Variants in DCN observed in about 807,000 individuals in gnomAD.
DCN encodes the protein decorin, also known as bone proteoglycan II.
In DCN, 17 loss-of-function variants were observed where a neutral mutation model predicts 36.5. The observed-to-expected ratio is 0.47, with a 90% CI of 0.32 to 0.70. The LOEUF (loss-of-function observed/expected upper bound fraction) is 0.70. Ranked by LOEUF, DCN falls within the 30% of genes least tolerant of loss-of-function variation. DCN has a pLI of 0.04. For missense variants in DCN, 389 were observed against 430.1 expected, an observed-to-expected ratio of 0.90 and a Z score of 0.84; for synonymous variants, 163 against 161.4, an observed-to-expected ratio of 1.01 and a Z score of -0.07.
chr12:91,151,550 A>G (rs756805193), intron 7 of DCN, 104 bp downstream of exon 7: 60 of 1,368,570 alleles, frequency 4.4e-5, no homozygotes, highest in Non-Finnish European at 5.5e-5. Context: ...GACACTCTGG[A>G]AAAAAAACTT....
chr12:91,146,194 G>C lies in DCN; in HGVS notation c.944C>G (p.Pro315Arg). 1 of 1,613,520 alleles carries C rather than the reference G, an allele frequency of 6.2e-7. No individual in the cohort carries two copies. The highest frequency in any genetic ancestry group is 8.5e-7 in the Non-Finnish European group (1 of 1,179,614). The change falls in exon 8 of 8, where the codon CCT becomes CGT. Residue 315 changes from proline (P) to arginine (R), a missense_variant. Physicochemically the swap from Pro to Arg is moderately radical, Grantham distance 103. Transcript: ENST00000052754. ...SVVGSSDFCP[P>R]GHNTKKASYS... ...AGAAGCCTTTTTGGTGTTGTGTCCA[G>C]GTGGGCAGAAGTCACTTGATCCAAC... is the stretch of plus-strand genomic sequence containing the variant.
rs1868455159 is a variant in DCN at position 91,182,707 on chromosome 12, A to G, written c.-86T>C. 1 of 152,216 alleles carries G rather than the reference A, an allele frequency of 6.6e-6. No individual in the cohort carries two copies. Among genetic ancestry groups the G allele is most frequent in the African/African-American group, 2.4e-5 (1 of 41,564 alleles). The allele number at this position is 152,216 out of a possible 1,614,324, so 9.4% of individuals were successfully genotyped here. A position where few individuals can be genotyped will look rare whatever the true frequency, so the allele number is the denominator to read the frequency against. On this transcript the variant is annotated 5_prime_UTR_variant, in exon 1 of 8. Coordinates refer to ENST00000052754, the MANE Select transcript of DCN (RefSeq NM_001920.5). ...GCCCTCAAAGCTGAGATGTAATTAC[A>G]CTAAATATTCAGCCCAAGTAAAAGA...
chr12:91,158,440 C>T lies in DCN; in HGVS notation c.394G>A (p.Glu132Lys), dbSNP rs754450177. ...PGAFTPLVKL[E>K]RLYLSKNQLK... ...TGATTCTTGGACAGATAAAGTCGTT[C>T]CAACTTCACCAAAGGTGTAAATGCT... The change falls in exon 4 of 8, where the codon GAA becomes AAA. Residue 132 changes from glutamate (E) to lysine (K), a missense_variant. Physicochemically the swap from Glu to Lys is moderately conservative, Grantham distance 56. Coordinates refer to ENST00000052754, the MANE Select transcript of DCN (RefSeq NM_001920.5). 6.2e-7 allele frequency: 1 copy of T among 1,610,716 alleles called. No individual in the cohort carries two copies. Among genetic ancestry groups the T allele is most frequent in the East Asian group, 2.2e-5 (1 of 44,856 alleles).
At chr12:91,147,017 A>G (rs1388174886) in intron 7 of DCN, among the ~76,000 whole-genome samples, 1 of 152,100 alleles carries the variant, frequency 6.6e-6, no homozygotes, top group Non-Finnish European at 1.5e-5. Flanking sequence ...TCTTTTTTTA[A>G]GCTCTCAGAG....
intron 2 of DCN, chr12:91,177,728 C>A: frequency 1.4e-6 from 1 of 694,442 alleles, no homozygotes; most frequent in South Asian, 1.5e-5. Flanking sequence ...ATAAATATTT[C>A]CTTTGAAACT....
intron 7 of DCN, among the ~76,000 whole-genome samples, chr12:91,149,036 C>G (rs566277945): frequency 6.6e-6 from 1 of 152,060 alleles, no homozygotes; most frequent in Non-Finnish European, 1.5e-5. Flanking sequence ...AACAAAATAT[C>G]AAGACGTAAG....
Position 91,151,705 on chromosome 12 carries a change from G to A in DCN, c.834C>T (p.Asn278=), listed in dbSNP as rs954482104. 18 of 1,613,950 alleles carry A rather than the reference G, an allele frequency of 1.1e-5. No individual in the cohort carries two copies. Among genetic ancestry groups the A allele is most frequent in the Non-Finnish European group, 1.5e-5 (18 of 1,179,984 alleles). Reference sequence around the variant, plus strand: ...CACCAGGTACTCTGGTAAGCTTGTTGTTGTCCAAGTGAAGCTCCCTCAGAT... The same window carrying A: ...CACCAGGTACTCTGGTAAGCTTGTTATTGTCCAAGTGAAGCTCCCTCAGAT... ...TPHLRELHLD[N]NKLTRVPGGL... The change falls in exon 7 of 8, where the codon AAC becomes AAT. Residue 278 remains asparagine, a synonymous_variant. Transcript: ENST00000052754.
chr12:91,156,315 T>C (rs1272855201), intron 5 of DCN, among the ~76,000 whole-genome samples: 1 of 152,196 alleles, frequency 6.6e-6, no homozygotes, highest in African/African-American at 2.4e-5. Context: ...GTACATCGCC[T>C]ACACATACTG....
Position 91,142,452 on chromosome 12 carries a change from A to C in DCN, c.*3606T>G, listed in dbSNP as rs556532033. Reference sequence around the variant, plus strand: ...GCCTCTGCAATAAAATTGTGGAATAAACCAGTTTCTTGGAAAAGCATTATG... The same window carrying C: ...GCCTCTGCAATAAAATTGTGGAATACACCAGTTTCTTGGAAAAGCATTATG... On this transcript the variant is annotated 3_prime_UTR_variant, in exon 8 of 8. Coordinates refer to ENST00000052754, the MANE Select transcript of DCN (RefSeq NM_001920.5). 14 of 152,356 alleles carry C rather than the reference A, an allele frequency of 9.2e-5. No homozygotes were observed. The highest frequency in any genetic ancestry group is 3.4e-4 in the African/African-American group (14 of 41,588). The allele number at this position is 152,356 out of a possible 1,614,324, so 9.4% of individuals were successfully genotyped here. A position where few individuals can be genotyped will look rare whatever the true frequency, so the allele number is the denominator to read the frequency against.
rs1000754731 is a variant in DCN, at chr12:91,182,326, G to A, written c.-34+329C>T. ...GATATGCTACTTCAGAATACTTTTC[G>A]GTTACCATCTCTTGAAGAGCTAAAC... On this transcript the variant is annotated intron_variant, in intron 1 of 7. Coordinates refer to ENST00000052754, the MANE Select transcript of DCN (RefSeq NM_001920.5). Among the ~76,000 whole-genome samples, 7 of 151,768 alleles carry A rather than the reference G, an allele frequency of 4.6e-5. No homozygotes were observed. The South Asian group carries it at 8.3e-4, about 18-fold the overall frequency.
At chr12:91,176,744 A>C (rs1207464805) in intron 2 of DCN, 1 of 152,214 alleles carries the variant, frequency 6.6e-6, no homozygotes, top group Non-Finnish European at 1.5e-5. Flanking sequence ...GAGAGTAATA[A>C]TAAATTCTTT....
rs892377564 is a variant in DCN at position 91,143,876 on chromosome 12, A to ATG, written c.*2180_*2181dup. 2.7e-5 allele frequency: 4 copies of ATG among 149,762 alleles called. No homozygotes were observed. The highest frequency in any genetic ancestry group is 4.4e-5 in the Non-Finnish European group (3 of 67,582). 9.3% of individuals were successfully genotyped at this position (149,762 alleles called of 1,614,324 possible). On this transcript the variant is annotated 3_prime_UTR_variant, in exon 8 of 8. Transcript: ENST00000052754. The stretch of plus-strand genomic sequence containing the variant: ...TGTGTGTATATATATAAAGATATAT[A>ATG]TGTGTGTGTATATATATAAATATGG...
Position 91,178,596 on chromosome 12 carries a change from A to G in DCN, c.-33-11T>C. 6.5e-7 allele frequency: 1 copy of G among 1,545,876 alleles called. No individual in the cohort carries two copies. ...TCACAACCAGGGAACCTAGGAAACA[A>G]ATGAGAGATTTAAGAAGAGTAGCAC... On this transcript the variant is annotated splice_polypyrimidine_tract_variant and intron_variant, in intron 1 of 7. Transcript: ENST00000052754.
At chr12:91,162,958 T>C (rs1882255382) in intron 3 of DCN, among the ~76,000 whole-genome samples, 1 of 152,222 alleles carries the variant, frequency 6.6e-6, no homozygotes, top group African/African-American at 2.4e-5. Flanking sequence ...GTCATCCTTC[T>C]CTAGATGTTC....
chr12:91,158,264 T>C (rs1881928566), intron 4 of DCN, 32 bp downstream of exon 4: 9 of 1,386,768 alleles, frequency 6.5e-6, no homozygotes, highest in Non-Finnish European at 9.3e-6. Flanking sequence ...AAAACTTGAG[T>C]TTTGGTCTTA....
intron 1 of DCN, among the ~76,000 whole-genome samples, chr12:91,181,848 A>G (rs1359263717): frequency 6.6e-6 from 1 of 151,930 alleles, no homozygotes; most frequent in Non-Finnish European, 1.5e-5. Flanking sequence ...TTATCCACAA[A>G]CAAGGGTTAC....
intron 2 of DCN, among the ~76,000 whole-genome samples, chr12:91,168,388 T>C (rs1373394315): frequency 6.6e-6 from 1 of 152,228 alleles, no homozygotes; most frequent in Non-Finnish European, 1.5e-5. Flanking sequence ...CTAAACTTCT[T>C]ACAGGCCATA....
At chr12:91,180,967 AG>A (rs1481326855) in intron 1 of DCN, 1 of 152,184 alleles carries the variant, frequency 6.6e-6, no homozygotes, top group African/African-American at 2.4e-5. Flanking sequence ...ACCCACAAAA[AG>A]AAAATGTTGA....
At position 91,145,365 on chromosome 12, in the gene DCN, A is replaced by G. The variant is rs972981871; in HGVS notation, c.*693T>C. The stretch of plus-strand genomic sequence containing the variant: ...TGTGCTTTATAAGCTTACATTCAAC[A>G]TAGATGACATAAGTTACCATACTCA... On this transcript the variant is annotated 3_prime_UTR_variant, in exon 8 of 8. Coordinates refer to ENST00000052754, the MANE Select transcript of DCN (RefSeq NM_001920.5). 6.5e-6 allele frequency: 1 copy of G among 153,836 alleles called. No individual in the cohort carries two copies. Among genetic ancestry groups the G allele is most frequent in the African/African-American group, 2.4e-5 (1 of 41,470 alleles). 9.5% of individuals were successfully genotyped at this position (153,836 alleles called of 1,614,324 possible).
Sources: allele counts gnomAD v4.1 joint callset (sites outside exome capture counted in the v4.1 genomes callset), GRCh38; gene constraint gnomAD v4.1.1; transcripts MANE v1.5; gene names NCBI Gene and HGNC (gene_info 2026-07-23, HGNC 2026-07-21).